The following GNAI1 variants were observed in gnomAD, a reference collection of about 807,000 sequenced individuals.
The protein encoded by GNAI1 is guanine nucleotide-binding protein G(i) subunit alpha-1.
GNAI1 carries 11 observed loss-of-function variants against 38.9 expected under a neutral mutation model. That is an observed-to-expected ratio of 0.28 (90% CI 0.18 to 0.47). The LOEUF (loss-of-function observed/expected upper bound fraction) is 0.47. Ranked by LOEUF, GNAI1 falls within the 20% of genes least tolerant of loss-of-function variation. GNAI1 has a pLI of 0.99. For synonymous variants in GNAI1, 166 were observed against 145.1 expected (o/e 1.14, Z -1.04); for missense variants, 317 against 436.9 (o/e 0.73, Z 2.45).
chr7:80,182,045 C>T (rs1788303068), intron 1 of GNAI1, among the ~76,000 whole-genome samples: 1 of 152,086 alleles, frequency 6.6e-6, no homozygotes, highest in South Asian at 2.1e-4. Flanking sequence ...CTTCAGTTTC[C>T]CCAGCTAATC....
intron 1 of GNAI1, among the ~76,000 whole-genome samples, chr7:80,160,805 A>G (rs1310210521): frequency 6.6e-6 from 1 of 152,162 alleles, no homozygotes; most frequent in Non-Finnish European, 1.5e-5. Flanking sequence ...GAAGGCAAAA[A>G]GTATATTTTT....
At position 80,134,887 on chromosome 7, in the gene GNAI1, C is replaced by A. The variant is rs1006637115; in HGVS notation, c.-274C>A. 2 of 294,694 alleles carry A rather than the reference C, an allele frequency of 6.8e-6. No homozygotes were observed. The highest frequency in any genetic ancestry group is 5.5e-5 in the East Asian group (1 of 18,148). 18.3% of individuals were successfully genotyped at this position (294,694 alleles called of 1,614,324 possible). A position where few individuals can be genotyped will look rare whatever the true frequency, so the allele number is the denominator to read the frequency against. On this transcript the variant is annotated 5_prime_UTR_variant, in exon 1 of 8. Coordinates refer to ENST00000649796, the MANE Select transcript of GNAI1 (RefSeq NM_002069.6). ...CGGCCACCGGCGGGAGTGCAGCGGCCACTGTACCCAGAGATTCAAAACCCC... is the reference window on the plus strand; with the variant it reads ...CGGCCACCGGCGGGAGTGCAGCGGCAACTGTACCCAGAGATTCAAAACCCC...
At chr7:80,186,062 T>C (rs1317701150) in intron 1 of GNAI1, among the ~76,000 whole-genome samples, 1 of 133,568 alleles carries the variant, frequency 7.5e-6, no homozygotes, top group African/African-American at 3.0e-5. Context: ...AGACGGAGTC[T>C]CACTCTGTTG....
At chr7:80,140,358 G>T (rs73149541) in intron 1 of GNAI1, among the ~76,000 whole-genome samples, 13,142 of 152,226 alleles carry the variant, frequency 0.086, 769 homozygotes, top group South Asian at 0.2. Context: ...CTATCTTACA[G>T]AATTTAATAG....
intron 1 of GNAI1, among the ~76,000 whole-genome samples, chr7:80,137,537 C>T (rs946547325): frequency 3.9e-5 from 6 of 151,974 alleles, no homozygotes; most frequent in Non-Finnish European, 7.4e-5. Flanking sequence ...CCACGCTGGT[C>T]TCCAATTCCT....
intron 5 of GNAI1, among the ~76,000 whole-genome samples, chr7:80,210,274 T>A (rs571212491): frequency 6.6e-6 from 1 of 152,360 alleles, no homozygotes; most frequent in East Asian, 1.9e-4. Context: ...CACTAACCTA[T>A]AGTGGTTCAC....
At chr7:80,202,453 C>G (rs1405535317) in intron 4 of GNAI1, among the ~76,000 whole-genome samples, 1 of 152,082 alleles carries the variant, frequency 6.6e-6, no homozygotes, top group Non-Finnish European at 1.5e-5. Flanking sequence ...AAGAGTAGCT[C>G]ATTATTTTAA....
In GNAI1 at chr7:80,222,996, T is replaced by G. The variant is rs1298503764; in HGVS notation, c.*5503T>G. On this transcript the variant is annotated 3_prime_UTR_variant, in exon 8 of 8. Transcript: ENST00000649796. ...TGGACAAGATAGCATAAAGCCTATT[T>G]TACAATAAAGGATATCTCATGTAAT... 2.0e-5 allele frequency among the ~76,000 whole-genome samples: 3 copies of G among 152,216 alleles called. No homozygotes were observed. Among genetic ancestry groups the G allele is most frequent in the African/African-American group, 7.2e-5 (3 of 41,468 alleles).
chr7:80,182,016 C>A (rs1251786030), intron 1 of GNAI1, among the ~76,000 whole-genome samples: 1 of 152,008 alleles, frequency 6.6e-6, no homozygotes, highest in African/African-American at 2.4e-5. Context: ...ACCCTTTGAC[C>A]CACATCTCCC....
intron 7 of GNAI1, 126 bp downstream of exon 7, chr7:80,212,995 T>A: frequency 1.6e-6 from 1 of 612,334 alleles, no homozygotes; most frequent in African/African-American, 1.9e-5. Flanking sequence ...TTAAGGGGTA[T>A]TATTTATCAA....
rs1456417377 is a variant in GNAI1 at position 80,188,934 on chromosome 7, A to G, written c.119-17A>G. On this transcript the variant is annotated splice_polypyrimidine_tract_variant and intron_variant, in intron 1 of 7. Coordinates refer to ENST00000649796, the MANE Select transcript of GNAI1 (RefSeq NM_002069.6). ...ATTATGATGAAATTAGAAACCTTTT[A>G]TGTTTTATATTTTTAGGTGCTGGTG... 3 of 1,570,142 alleles carry G rather than the reference A, an allele frequency of 1.9e-6. No homozygotes were observed. Among genetic ancestry groups the G allele is most frequent in the East Asian group, 4.5e-5 (2 of 44,602 alleles).
chr7:80,200,324 C>CAAAAAAAAAA (rs59511755), intron 4 of GNAI1, among the ~76,000 whole-genome samples: 676 of 40,362 alleles, frequency 0.017, 107 homozygotes, highest in Middle Eastern at 0.059. Context: ...GGCCATGTCT[C>CAAAAAAAAAA]AAAAAAAAAA....
intron 1 of GNAI1, among the ~76,000 whole-genome samples, chr7:80,157,034 C>G (rs960947354): frequency 2.0e-5 from 3 of 152,160 alleles, no homozygotes; most frequent in African/African-American, 7.2e-5. Context: ...TGGAAAAATG[C>G]GTAATTACAT....
At position 80,135,244 on chromosome 7, in the gene GNAI1, G is replaced by A. The variant is rs749155882; in HGVS notation, c.84G>A (p.Glu28=). 5 of 1,536,728 alleles carry A rather than the reference G, an allele frequency of 3.3e-6. No individual in the cohort carries two copies. The highest frequency in any genetic ancestry group is 2.5e-5 in the South Asian group (2 of 81,516). The part of the protein sequence containing the change: ...MIDRNLREDG[E]KAAREVKLLL... ...ACCGCAACCTCCGTGAGGACGGCGA[G>A]AAGGCGGCGCGCGAGGTCAAGCTGC... Residue 28 remains glutamate (E), a synonymous_variant, in exon 1 of 8, where the codon GAG becomes GAA. Transcript: ENST00000649796.
At chr7:80,158,121 T>C (rs1787851665) in intron 1 of GNAI1, among the ~76,000 whole-genome samples, 1 of 152,240 alleles carries the variant, frequency 6.6e-6, no homozygotes, top group African/African-American at 2.4e-5. Flanking sequence ...TCTGTGTTGA[T>C]TATGATAGGC....
chr7:80,194,615 T>G (rs1788537021), intron 3 of GNAI1, among the ~76,000 whole-genome samples: 1 of 152,148 alleles, frequency 6.6e-6, no homozygotes, highest in South Asian at 2.1e-4. Context: ...TTAATCTGTC[T>G]GAAGCATGTT....
intron 5 of GNAI1, among the ~76,000 whole-genome samples, chr7:80,205,487 T>C (rs920599340): frequency 1.3e-5 from 2 of 152,142 alleles, no homozygotes; most frequent in Admixed American, 6.6e-5. Context: ...AAAAGGTGTT[T>C]ATGATCTGTT....
At chr7:80,167,701 C>G (rs1269182186) in intron 1 of GNAI1, among the ~76,000 whole-genome samples, 1 of 152,194 alleles carries the variant, frequency 6.6e-6, no homozygotes, top group Non-Finnish European at 1.5e-5. Context: ...TTATAGTTCA[C>G]TGTACATGCA....
At chr7:80,179,860 A>G (rs890432829) in intron 1 of GNAI1, among the ~76,000 whole-genome samples, 6 of 152,118 alleles carry the variant, frequency 3.9e-5, no homozygotes, top group Non-Finnish European at 8.8e-5. Context: ...AGGGATCACA[A>G]TTTTTTAAAA....
Sources: gnomAD v4.1 joint callset for allele counts (sites outside exome capture counted in the v4.1 genomes callset) on GRCh38, gnomAD v4.1.1 for gene constraint, MANE v1.5 for transcripts, NCBI Gene and HGNC (gene_info 2026-07-23, HGNC 2026-07-21) for gene names.